The following MACF1 variants were observed in gnomAD, a reference collection of about 807,000 sequenced individuals.
MACF1 encodes the protein microtubule-actin cross-linking factor 1.
MACF1 carries 193 observed loss-of-function variants against 854.8 expected under a neutral mutation model. The ratio of observed to expected loss-of-function variants is 0.23; its 90% CI spans 0.20 to 0.25. The LOEUF (loss-of-function observed/expected upper bound fraction) is 0.25. MACF1 is among the 10% of genes least tolerant of loss of function. The probability of loss-of-function intolerance (pLI) is 1.00; values close to 1 mark genes in which losing one functional copy is unlikely to be tolerated. For synonymous variants in MACF1, 3,185 were observed against 3,226.7 expected, an observed-to-expected ratio of 0.99 and a Z score of 0.44; for missense variants, 7,722 against 8,929.1, an observed-to-expected ratio of 0.86 and a Z score of 5.45.
At chr1:39,450,171 T>A (rs113356700) in intron 84 of MACF1, among the ~76,000 whole-genome samples, 1,804 of 152,202 alleles carry the variant, frequency 0.012, 32 homozygotes, top group African/African-American at 0.041. Context: ...CATTGTTTTT[T>A]ATTTGAGTAG....
At chr1:39,111,973 T>C (rs1441790162) in intron 2 of MACF1, among the ~76,000 whole-genome samples, 1 of 152,156 alleles carries the variant, frequency 6.6e-6, no homozygotes, top group Non-Finnish European at 1.5e-5. Context: ...AACACATCTC[T>C]CTTCTCCATT....
chr1:39,441,082 G>T lies in MACF1; in HGVS notation c.18527G>T (p.Cys6176Phe). 6.2e-7 allele frequency: 1 copy of T among 1,614,224 alleles called. No individual in the cohort carries two copies. Among genetic ancestry groups the T allele is most frequent in the Non-Finnish European group, 8.5e-7 (1 of 1,180,028 alleles). The change falls in exon 73 of 101, where the codon TGT becomes TTT. Residue 6176 changes from cysteine (C) to phenylalanine (F), a missense_variant. Cys to Phe is a radical substitution (Grantham distance 205). Coordinates refer to ENST00000564288, the MANE Select transcript of MACF1 (RefSeq NM_001394062.1). ...RILGADLIFACGETEKPEVRK... is the reference protein window; with the variant it reads ...RILGADLIFAFGETEKPEVRK... ...CTTGGAGCAGATTTGATTTTTGCCT[G>T]TGGAGAAACTGAGAAGCCTGAAGTG...
In MACF1 at chr1:39,336,525, G is replaced by A. The variant is rs1360893638; in HGVS notation, c.9937G>A (p.Val3313Met). Reference protein sequence around the residue: ...KTVSLTVCSAVKTEKTPQEKL... With the variant: ...KTVSLTVCSAMKTEKTPQEKL... ...AGTGTCCCTAACAGTATGCTCTGCA[G>A]TGAAGACAGAGAAGACACCACAGGA... is the stretch of plus-strand genomic sequence containing the variant. The change falls in exon 37 of 101, where the codon GTG becomes ATG. Residue 3313 changes from valine to methionine, a missense_variant. By Grantham distance (21) the Val-to-Met change is conservative. This residue lies in a region of MACF1 where 854 missense variants were observed against 852.6 expected (regional missense o/e 1.00). Transcript: ENST00000564288. The A allele has an allele frequency of 6.2e-7, 1 of 1,614,194 alleles. No individual in the cohort carries two copies. Among genetic ancestry groups the A allele is most frequent in the Admixed American group, 1.7e-5 (1 of 60,016 alleles).
intron 58 of MACF1, among the ~76,000 whole-genome samples, chr1:39,388,948 G>A (rs572700471): frequency 2.9e-5 from 4 of 137,112 alleles, no homozygotes; most frequent in East Asian, 2.1e-4. Flanking sequence ...GTGCGATCTC[G>A]GCTCACTGCA....
chr1:39,198,000 C>T (rs1333074719), intron 2 of MACF1, among the ~76,000 whole-genome samples: 7 of 152,054 alleles, frequency 4.6e-5, no homozygotes, highest in Non-Finnish European at 1.0e-4. Flanking sequence ...GAGTTCGAGA[C>T]CAGCCTGGGA....
At chr1:39,402,371 AG>A (rs1476420945) in intron 58 of MACF1, among the ~76,000 whole-genome samples, 2 of 152,162 alleles carry the variant, frequency 1.3e-5, no homozygotes, top group African/African-American at 2.4e-5. Context: ...CTGAGCTTCC[AG>A]GCCAGGTTGA....
chr1:39,444,676 G>A lies in MACF1; in HGVS notation c.19446G>A (p.Gln6482=). Residue 6482 remains glutamine (Q), a synonymous_variant, in exon 80 of 101, where the codon CAG becomes CAA. Coordinates refer to ENST00000564288, the MANE Select transcript of MACF1 (RefSeq NM_001394062.1). ...TTTTCTTGTAGGAACTCTATTCCCA[G>A]CTGAAAGCCAAGGAAGAGACTTATA... is the stretch of plus-strand genomic sequence containing the variant. ...QLDTHMELYS[Q]LKAKEETYNQ... is the part of the protein sequence containing the mutation. 8 of 1,611,576 alleles carry A rather than the reference G, an allele frequency of 5.0e-6. No homozygotes were observed. The highest frequency in any genetic ancestry group is 5.9e-6 in the Non-Finnish European group (7 of 1,178,540).
chr1:39,092,774 T>C (rs1038212195), intron 2 of MACF1, among the ~76,000 whole-genome samples: 3 of 116,830 alleles, frequency 2.6e-5, no homozygotes, highest in African/African-American at 6.3e-5. Flanking sequence ...TCCTGTTTTT[T>C]CTTTTTTCTT....
chr1:39,143,584 T>C (rs529270185), intron 2 of MACF1, among the ~76,000 whole-genome samples: 24 of 152,126 alleles, frequency 1.6e-4, no homozygotes, highest in Non-Finnish European at 1.0e-4. Context: ...GTTACTTATG[T>C]TATTTGCAGA....
chr1:39,111,939 C>T (rs1642417984), intron 2 of MACF1, among the ~76,000 whole-genome samples: 1 of 152,122 alleles, frequency 6.6e-6, no homozygotes. Context: ...TCTGCACACC[C>T]AACTATACCA....
At chr1:39,367,894 C>T (rs1409739534) in intron 49 of MACF1, among the ~76,000 whole-genome samples, 1 of 151,156 alleles carries the variant, frequency 6.6e-6, no homozygotes, top group African/African-American at 2.4e-5. Context: ...CGCTTGAACC[C>T]AGGAGGCGGA....
chr1:39,269,520 A>G (rs760349731), intron 6 of MACF1: 195 of 1,289,494 alleles, frequency 1.5e-4, no homozygotes, highest in Non-Finnish European at 1.9e-4. Context: ...CAGACTGCCT[A>G]CTTCTCAGAG....
rs774834858 is a variant in MACF1 at position 39,334,318 on chromosome 1, T to A, written c.7730T>A (p.Val2577Asp). Residue 2577 changes from valine to aspartate, a missense_variant, in exon 37 of 101, where the codon GTT becomes GAT. Physicochemically the swap from Val to Asp is radical, Grantham distance 152. This residue lies in a region of MACF1 where 1,531 missense variants were observed against 1,601.6 expected (regional missense o/e 0.96). Transcript: ENST00000564288. Reference protein sequence around the residue: ...TSDLKREIQEVQAFTGNFVDL... With the variant: ...TSDLKREIQEDQAFTGNFVDL... ...GACCTGAAAAGAGAAATCCAGGAGG[T>A]TCAGGCCTTTACTGGAAACTTTGTG... 12 of 1,614,050 alleles carry A rather than the reference T, an allele frequency of 7.4e-6. No homozygotes were observed. The Middle Eastern group carries it at 8.2e-4, about 111-fold the overall frequency.
Position 39,304,482 on chromosome 1 carries a change from C to T in MACF1, c.2789+1404C>T, listed in dbSNP as rs1396447640. 7.6e-6 allele frequency: 11 copies of T among 1,438,040 alleles called. 1 individual carries two copies. In the South Asian group the frequency reaches 1.1e-4, roughly 15 times the overall value. 89.1% of individuals were successfully genotyped at this position (1,438,040 alleles called of 1,614,324 possible). ...ACAGCGACTACTGTTGCTTGAAATA[C>T]TTTTCCTTGAGATTTTTCTGGAAGC... On this transcript the variant is annotated intron_variant, in intron 23 of 100. Transcript: ENST00000564288.
At chr1:39,232,412 A>G in intron 2 of MACF1, among the ~76,000 whole-genome samples, 1 of 152,062 alleles carries the variant, frequency 6.6e-6, no homozygotes, top group East Asian at 1.9e-4. Flanking sequence ...CCTCTCTTAC[A>G]ATGACTTCTA....
chr1:39,278,695 C>T (rs575054615), intron 6 of MACF1, among the ~76,000 whole-genome samples: 1 of 152,186 alleles, frequency 6.6e-6, no homozygotes, highest in South Asian at 2.1e-4. Context: ...TGGGATATAT[C>T]AATGTTGCAT....
In MACF1 at chr1:39,295,062, T is replaced by G. The variant is rs772904228; in HGVS notation, c.2171T>G (p.Leu724Arg). ...RNYFSELTME[L>R]EEKQDVFRSL... Reference sequence around the variant, plus strand: ...CATTTTCAGGAGTTGACAATGGAACTGGAGGAGAAACAGGATGTGTTTCGT... The same window carrying G: ...CATTTTCAGGAGTTGACAATGGAACGGGAGGAGAAACAGGATGTGTTTCGT... The change falls in exon 19 of 101, where the codon CTG becomes CGG. Residue 724 changes from leucine (L) to arginine (R), a missense_variant. By Grantham distance (102) the Leu-to-Arg change is moderately radical. Transcript: ENST00000564288. 6.2e-7 allele frequency: 1 copy of G among 1,613,900 alleles called. No homozygotes were observed. Among genetic ancestry groups the G allele is most frequent in the South Asian group, 1.1e-5 (1 of 91,064 alleles).
chr1:39,410,139 G>A, intron 58 of MACF1: 1 of 648,282 alleles, frequency 1.5e-6, no homozygotes, highest in South Asian at 2.6e-5. Flanking sequence ...CTTTCTGGAG[G>A]GCAGATGCAA....
At chr1:39,377,893 G>A (rs1198966723) in intron 52 of MACF1, among the ~76,000 whole-genome samples, 1 of 151,820 alleles carries the variant, frequency 6.6e-6, no homozygotes, top group East Asian at 1.9e-4. Flanking sequence ...AATCCCAGCT[G>A]TTTGAGAGGC....
Sources: gnomAD v4.1 joint callset for allele counts (sites outside exome capture counted in the v4.1 genomes callset) on GRCh38, gnomAD v4.1.1 for gene constraint, gnomAD v4.1.1 regional missense constraint, MANE v1.5 for transcripts, NCBI Gene and HGNC (gene_info 2026-07-23, HGNC 2026-07-21) for gene names.